The following TENM3 variants were observed in gnomAD, a reference collection of about 807,000 sequenced individuals.
TENM3 encodes teneurin-3.
Under a neutral mutation model 255.1 loss-of-function variants are expected in TENM3, and 63 were observed. The observed-to-expected ratio is 0.25, with a 90% CI of 0.20 to 0.30. The LOEUF (loss-of-function observed/expected upper bound fraction) is 0.30. Ranked by LOEUF, TENM3 falls within the 10% of genes least tolerant of loss-of-function variation. TENM3 has a pLI of 1.00. For synonymous variants in TENM3, 1,306 were observed against 1,322.3 expected, an observed-to-expected ratio of 0.99 and a Z score of 0.27; for missense variants, 2,929 against 3,461.1, an observed-to-expected ratio of 0.85 and a Z score of 3.86.
chr4:181,860,431 A>T, the TENM3 span, among the ~76,000 whole-genome samples: 1 of 152,366 alleles, frequency 6.6e-6, no homozygotes, highest in African/African-American at 2.4e-5. Flanking sequence ...GCCAAGTGTT[A>T]CATGACTGTA....
In TENM3 at chr4:182,569,574, A is replaced by G. The variant is rs74723709; in HGVS notation, c.512-31350A>G. On this transcript the variant is annotated intron_variant, in intron 3 of 27. Transcript: ENST00000511685. ...GTCTCAAAAAAAGAAAAAAAAAAAA[A>G]GAAAGAAAGGAAAGTAGGGTACCAA... Among the ~76,000 whole-genome samples, 11 of 149,254 alleles carry G rather than the reference A, an allele frequency of 7.4e-5. No homozygotes were observed. The South Asian group carries it at 2.3e-3, about 31-fold the overall frequency.
In TENM3 at chr4:182,349,927, G is replaced by T. The variant is rs73869944; in HGVS notation, c.511+2998G>T. On this transcript the variant is annotated intron_variant, in intron 3 of 27. Transcript: ENST00000511685. ...ATGAAATAACTCACCAAAAGGAAAC[G>T]AATTTAAGAGCCAGATGCTGATGTG... 5.6e-3 allele frequency: 1,479 copies of T among 263,608 alleles called. 30 individuals are homozygous for T. The highest frequency in any genetic ancestry group is 0.033 in the African/African-American group (1,406 of 42,954). The allele number at this position is 263,608 out of a possible 1,614,324, so 16.3% of individuals were successfully genotyped here.
At chr4:182,761,938 C>G (rs1218198601) in intron 22 of TENM3, among the ~76,000 whole-genome samples, 1 of 152,166 alleles carries the variant, frequency 6.6e-6, no homozygotes, top group Non-Finnish European at 1.5e-5. Context: ...TCTAAAGTGA[C>G]TGCTGTACAT....
upstream of TENM3, among the ~76,000 whole-genome samples, chr4:182,139,319 AG>A (rs149221373): frequency 0.063 from 9,606 of 152,272 alleles, 390 homozygotes; most frequent in East Asian, 0.14. Context: ...CACCAAAGGG[AG>A]GAGAAAGAGT....
chr4:182,449,310 C>T (rs1188516002), intron 3 of TENM3, among the ~76,000 whole-genome samples: 1 of 150,524 alleles, frequency 6.6e-6, no homozygotes, highest in African/African-American at 2.4e-5. Flanking sequence ...ACATTCGCAT[C>T]TGAGATGAGG....
chr4:182,471,563 A>G (rs1429142631), intron 3 of TENM3, among the ~76,000 whole-genome samples: 2 of 152,092 alleles, frequency 1.3e-5, no homozygotes, highest in African/African-American at 2.4e-5. Flanking sequence ...TAATATTACA[A>G]TCTTATGAGA....
At chr4:182,113,330 A>C in the TENM3 span, among the ~76,000 whole-genome samples, 2 of 152,120 alleles carry the variant, frequency 1.3e-5, no homozygotes, top group Non-Finnish European at 2.9e-5. Context: ...GTTTTTCTTA[A>C]GGTCATTCCA....
intron 2 of TENM3, among the ~76,000 whole-genome samples, chr4:182,340,699 G>C (rs7667414): frequency 1 from 152,035 of 152,330 alleles, 75,871 homozygotes; most frequent in Middle Eastern, 1. Context: ...ATCTTCTTAC[G>C]ATTTTGCAAA....
chr4:182,484,176 A>G lies in TENM3; in HGVS notation c.512-116748A>G, dbSNP rs190155388. Among the ~76,000 whole-genome samples, 135 of 152,298 alleles carry G rather than the reference A, an allele frequency of 8.9e-4. 1 individual carries two copies. The Middle Eastern group carries it at 0.01, about 12-fold the overall frequency. ...CCAGGTACTGTTCTAAGTACTCTGC[A>G]TAGATGAGTGTATTTAATCCTTACA... On this transcript the variant is annotated intron_variant, in intron 3 of 27. Transcript: ENST00000511685.
chr4:181,623,694 G>A, the TENM3 span, among the ~76,000 whole-genome samples: 1 of 152,128 alleles, frequency 6.6e-6, no homozygotes, highest in African/African-American at 2.4e-5. Context: ...GCTTTCTTAT[G>A]CTTCGTAAAC....
the TENM3 span, among the ~76,000 whole-genome samples, chr4:181,683,478 C>T: frequency 6.6e-6 from 1 of 152,206 alleles, no homozygotes; most frequent in Non-Finnish European, 1.5e-5. Context: ...GCGGGGCTCA[C>T]TCCCAGATTT....
the TENM3 span, among the ~76,000 whole-genome samples, chr4:181,773,283 A>T: frequency 6.6e-6 from 1 of 152,136 alleles, no homozygotes; most frequent in East Asian, 1.9e-4. Context: ...GACCAAAATC[A>T]GTCATGGAAC....
At chr4:182,335,371 T>G (rs181719845) in intron 2 of TENM3, among the ~76,000 whole-genome samples, 5,468 of 145,566 alleles carry the variant, frequency 0.038, 198 homozygotes, top group African/African-American at 0.1. Context: ...GGCAGGCGCC[T>G]GTAGTCCCAG....
the TENM3 span, among the ~76,000 whole-genome samples, chr4:181,798,393 C>T: frequency 6.6e-6 from 1 of 152,138 alleles, no homozygotes; most frequent in Non-Finnish European, 1.5e-5. Flanking sequence ...ACTGCAACCT[C>T]TGCCTGCTGT....
At chr4:181,732,325 C>T in the TENM3 span, among the ~76,000 whole-genome samples, 1 of 152,154 alleles carries the variant, frequency 6.6e-6, no homozygotes, top group African/African-American at 2.4e-5. Context: ...ACAGTTTCAC[C>T]CACTTCAATA....
At chr4:182,079,353 A>G in the TENM3 span, among the ~76,000 whole-genome samples, 1 of 152,016 alleles carries the variant, frequency 6.6e-6, no homozygotes, top group Non-Finnish European at 1.5e-5. Context: ...TGTCTCTACT[A>G]AAAATACAAA....
intron 12 of TENM3, among the ~76,000 whole-genome samples, chr4:182,696,215 A>G (rs1015851216): frequency 1.3e-5 from 2 of 152,206 alleles, no homozygotes; most frequent in African/African-American, 4.8e-5. Flanking sequence ...ACATGACACT[A>G]CCAATAACAA....
chr4:182,276,547 T>C (rs1163038940), intron 1 of TENM3, among the ~76,000 whole-genome samples: 1 of 152,226 alleles, frequency 6.6e-6, no homozygotes, highest in Non-Finnish European at 1.5e-5. Context: ...TAAACATTAT[T>C]ATAAACAAAT....
At position 182,328,849 on chromosome 4, in the gene TENM3, C is replaced by T. The variant is rs73009421; in HGVS notation, c.232+4597C>T. 8.5e-3 allele frequency among the ~76,000 whole-genome samples: 1,291 copies of T among 152,096 alleles called. 19 individuals carry two copies. The highest frequency in any genetic ancestry group is 0.03 in the African/African-American group (1,231 of 41,500). On this transcript the variant is annotated intron_variant, in intron 2 of 27. Transcript: ENST00000511685. ...CAGTTCAAGTGTAGTTTGGGGGATCCCACTGGGGAGAGGAAAGAAAGAGAA... is the reference window on the plus strand; with the variant it reads ...CAGTTCAAGTGTAGTTTGGGGGATCTCACTGGGGAGAGGAAAGAAAGAGAA...
Sources: gnomAD v4.1 joint callset for allele counts (sites outside exome capture counted in the v4.1 genomes callset) on GRCh38, gnomAD v4.1.1 for gene constraint, MANE v1.5 for transcripts, NCBI Gene and HGNC (gene_info 2026-07-23, HGNC 2026-07-21) for gene names.